ADAMTSL2: variants seen among roughly 807,000 people sequenced by gnomAD.
ADAMTSL2 encodes the protein ADAMTS like 2.
Under a neutral mutation model 117.0 loss-of-function variants are expected in ADAMTSL2, and 55 were observed. The ratio of observed to expected loss-of-function variants is 0.47; its 90% CI spans 0.38 to 0.59. ADAMTSL2 has a LOEUF of 0.59. ADAMTSL2 is among the 20% of genes least tolerant of loss of function. ADAMTSL2 has a pLI of 0.00. For synonymous variants in ADAMTSL2, 572 were observed against 566.4 expected (o/e 1.01, Z -0.14); for missense variants, 1,182 against 1,354.5 (o/e 0.87, Z 2.00).
chr9:133,541,613 A>G (rs1367251188), intron 7 of ADAMTSL2, among the ~76,000 whole-genome samples: 1 of 152,204 alleles, frequency 6.6e-6, no homozygotes. Flanking sequence ...AAAAGGGAGA[A>G]ACTAAGGCCC....
intron 9 of ADAMTSL2, among the ~76,000 whole-genome samples, chr9:133,550,486 A>G (rs9777051): frequency 0.53 from 80,768 of 151,988 alleles, 21,734 homozygotes; most frequent in African/African-American, 0.58. Flanking sequence ...ACCCTGTCCC[A>G]TTCAATCAAA....
Position 133,539,731 on chromosome 9 carries a change from C to T in ADAMTSL2, c.310-40C>T, listed in dbSNP as rs201203005. ...CTGGACAAAAATGCCTTTGTCGGGC[C>T]GAGTTCCTCCCGGAGCCTCCCTGTC... On this transcript the variant is annotated intron_variant, in intron 4 of 18. Coordinates refer to ENST00000651351, the MANE Select transcript of ADAMTSL2 (RefSeq NM_014694.4). 4.0e-4 allele frequency: 468 copies of T among 1,157,860 alleles called. 1 individual carries two copies. Among genetic ancestry groups the T allele is most frequent in the Admixed American group, 2.1e-3 (67 of 31,470 alleles). The allele number at this position is 1,157,860 out of a possible 1,614,324, so 71.7% of individuals were successfully genotyped here.
At chr9:133,536,412 G>A in intron 1 of ADAMTSL2, 151 bp from the exon 2 acceptor site, 1 of 1,195,686 alleles carries the variant, frequency 8.4e-7, no homozygotes, top group Non-Finnish European at 1.1e-6. Context: ...AGCATGGCAT[G>A]CTTCCCTGCA....
intron 18 of ADAMTSL2, among the ~76,000 whole-genome samples, chr9:133,574,208 C>T (rs1318763395): frequency 6.6e-6 from 1 of 152,122 alleles, no homozygotes; most frequent in African/African-American, 2.4e-5. Flanking sequence ...CTGACTGGGG[C>T]TCCATGGCCC....
chr9:133,533,903 G>A (rs746927525), upstream of ADAMTSL2, among the ~76,000 whole-genome samples: 2 of 152,066 alleles, frequency 1.3e-5, no homozygotes. Flanking sequence ...CAGAGGCTAG[G>A]TGCCCAGCCT....
intron 12 of ADAMTSL2, among the ~76,000 whole-genome samples, chr9:133,564,597 GGAGAGAGAGGGA>G (rs1564178900): frequency 5.4e-4 from 14 of 26,156 alleles, no homozygotes; most frequent in Non-Finnish European, 9.5e-4. Flanking sequence ...AGAGAGAGGG[GGAGAGAGAGGGA>G]GAGAGAGAGA....
At chr9:133,573,068 C>T (rs1400154906) in intron 17 of ADAMTSL2, among the ~76,000 whole-genome samples, 3 of 143,640 alleles carry the variant, frequency 2.1e-5, no homozygotes, top group African/African-American at 8.1e-5. Flanking sequence ...CTTAATCGGT[C>T]TTCCTTGCTC....
chr9:133,570,366 G>C lies in ADAMTSL2; in HGVS notation c.2451G>C (p.Arg817=). The C allele has an allele frequency of 5.1e-6, 8 of 1,554,390 alleles. No homozygotes were observed. In the South Asian group the frequency reaches 8.3e-5, roughly 16 times the overall value. The change falls in exon 17 of 19, where the codon CGG becomes CGC. Residue 817 remains arginine (R), a synonymous_variant. Coordinates refer to ENST00000651351, the MANE Select transcript of ADAMTSL2 (RefSeq NM_014694.4). ...NTTCGRGVKK[R]LVLCMELANG... is the part of the protein sequence containing the mutation. ...CCTGCGGGCGCGGGGTCAAGAAGCG[G>C]CTGGTGCTCTGCATGGAGCTGGCCA...
At position 133,573,561 on chromosome 9, in the gene ADAMTSL2, C is replaced by T. The variant is rs996012690; in HGVS notation, c.2593-282C>T. Among the ~76,000 whole-genome samples the T allele has an allele frequency of 2.3e-3, 349 of 152,298 alleles. 5 individuals carry two copies. Among genetic ancestry groups the T allele is most frequent in the African/African-American group, 7.8e-3 (325 of 41,574 alleles). ...CCCTGGGAAATGAGAGAGGAGGGAC[C>T]ACCCCTCACTGTGGATCTGGGGAGA... On this transcript the variant is annotated intron_variant, in intron 17 of 18. Transcript: ENST00000651351.
chr9:133,543,897 G>T (rs947260213), intron 7 of ADAMTSL2, among the ~76,000 whole-genome samples: 1 of 152,214 alleles, frequency 6.6e-6, no homozygotes, highest in African/African-American at 2.4e-5. Flanking sequence ...GGGCCTGGGG[G>T]CCTTGAAGAC....
At chr9:133,563,814 A>AGG (rs1830806494) in intron 12 of ADAMTSL2, among the ~76,000 whole-genome samples, 1 of 118,538 alleles carries the variant, frequency 8.4e-6, no homozygotes, top group Non-Finnish European at 1.7e-5. Flanking sequence ...AGAGAGAGAA[A>AGG]GGGGGAGAGA....
At chr9:133,547,931 G>C (rs10117753) in intron 9 of ADAMTSL2, among the ~76,000 whole-genome samples, 128,325 of 152,012 alleles carry the variant, frequency 0.84, 54,947 homozygotes, top group Non-Finnish European at 0.92. Flanking sequence ...GGAAATGGAG[G>C]CTCTGGTGGC....
intron 12 of ADAMTSL2, 98 bp from the exon 13 acceptor site, chr9:133,566,838 G>C: frequency 6.7e-7 from 1 of 1,488,710 alleles, no homozygotes; most frequent in Non-Finnish European, 9.1e-7. Flanking sequence ...AGAAAGCTGA[G>C]CTGAGAGGTC....
intron 18 of ADAMTSL2, 29 bp downstream of exon 18, chr9:133,574,016 C>G: frequency 6.3e-7 from 1 of 1,599,892 alleles, no homozygotes; most frequent in Non-Finnish European, 8.5e-7. Context: ...GAGGGTGGCT[C>G]TGGGAATTCC....
At chr9:133,561,173 C>T in intron 11 of ADAMTSL2, 25 bp from the exon 12 acceptor site, 1 of 1,581,766 alleles carries the variant, frequency 6.3e-7, no homozygotes, top group Non-Finnish European at 8.6e-7. Flanking sequence ...GTCTCATCAC[C>T]TTCCCTGCTT....
rs560197787 is a variant in ADAMTSL2, at chr9:133,540,677, C to T, written c.492C>T (p.Pro164=). ...ACGGCCAGCGGCAGCTCATGGTCCC[C>T]GCCCGCGACGGCACATCCTGCAAGC... is the stretch of plus-strand genomic sequence containing the variant. ...TVDGQRQLMV[P]ARDGTSCKLT... Residue 164 remains proline (P), a synonymous_variant, in exon 6 of 19, where the codon CCC becomes CCT. Coordinates refer to ENST00000651351, the MANE Select transcript of ADAMTSL2 (RefSeq NM_014694.4). 22 of 1,613,810 alleles carry T rather than the reference C, an allele frequency of 1.4e-5. No homozygotes were observed. Among genetic ancestry groups the T allele is most frequent in the South Asian group, 2.2e-5 (2 of 91,090 alleles).
At chr9:133,560,389 C>T (rs1424660377) in intron 11 of ADAMTSL2, among the ~76,000 whole-genome samples, 9 of 152,332 alleles carry the variant, frequency 5.9e-5, no homozygotes, top group African/African-American at 2.2e-4. Flanking sequence ...TGGTGGCGTC[C>T]CAGAGCAGAT....
At position 133,568,475 on chromosome 9, in the gene ADAMTSL2, G is replaced by C. The variant is rs1831028276; in HGVS notation, c.2077G>C (p.Glu693Gln). ...PACGPQWEMSEWSECTAKCGE... is the reference protein window; with the variant it reads ...PACGPQWEMSQWSECTAKCGE... ...CTGCGGGCCCCAGTGGGAGATGTCG[G>C]AGTGGTCCGAGGTGAGTGCCTGCGG... Residue 693 changes from glutamate (E) to glutamine (Q), a missense_variant, in exon 14 of 19, where the codon GAG becomes CAG. Around this residue, in one of 3 missense-constraint regions of ADAMTSL2, gnomAD observed 465 missense variants for 565.3 expected, o/e 0.82. Transcript: ENST00000651351. 1 of 1,603,554 alleles carries C rather than the reference G, an allele frequency of 6.2e-7. No homozygotes were observed. Among genetic ancestry groups the C allele is most frequent in the South Asian group, 1.1e-5 (1 of 89,464 alleles).
upstream of ADAMTSL2, chr9:133,534,604 G>A (rs1392476475): frequency 2.1e-4 from 271 of 1,265,354 alleles, 2 homozygotes; most frequent in Non-Finnish European, 9.1e-6. Flanking sequence ...GTGTGCGCCA[G>A]GCCGGCCGGC....
Sources: allele counts gnomAD v4.1 joint callset (sites outside exome capture counted in the v4.1 genomes callset), GRCh38; gene constraint gnomAD v4.1.1; regional missense constraint gnomAD v4.1.1; transcripts MANE v1.5; gene names NCBI Gene and HGNC (gene_info 2026-07-23, HGNC 2026-07-21).